The following ITGA2 variants were observed in gnomAD, a reference collection of about 807,000 sequenced individuals.
The protein encoded by ITGA2 is integrin alpha-2.
In ITGA2, 101 loss-of-function variants were observed where a neutral mutation model predicts 146.3. That is an observed-to-expected ratio of 0.69 (90% CI 0.59 to 0.81). ITGA2 has a LOEUF of 0.81. ITGA2 is among the 40% of genes least tolerant of loss of function. The pLI is 0.00. For missense variants in ITGA2, 1,281 were observed against 1,402.7 expected, an observed-to-expected ratio of 0.91 and a Z score of 1.39; for synonymous variants, 477 against 487.1, an observed-to-expected ratio of 0.98 and a Z score of 0.27.
chr5:53,042,199 A>G lies in ITGA2; in HGVS notation c.273A>G (p.Thr91=), dbSNP rs199737648. The G allele has an allele frequency of 7.4e-6, 12 of 1,611,880 alleles. No individual in the cohort carries two copies. The East Asian group carries it at 2.7e-4, about 36-fold the overall frequency. The change falls in exon 3 of 30, where the codon ACA becomes ACG. Residue 91 remains threonine, a synonymous_variant. Transcript: ENST00000296585. ...YKCPVDLSTA[T]CEKLNLQTST... ...GTCCTGTTGACCTATCCACTGCCACATGTGAAAAACTAAATTTGCAAAGTA... is the reference window on the plus strand; with the variant it reads ...GTCCTGTTGACCTATCCACTGCCACGTGTGAAAAACTAAATTTGCAAAGTA...
In ITGA2 at chr5:53,042,123, G is replaced by T; in HGVS notation, c.197G>T (p.Gly66Val). The change falls in exon 3 of 30, where the codon GGT becomes GTT. Residue 66 changes from glycine (G) to valine (V), a missense_variant. Coordinates refer to ENST00000296585, the MANE Select transcript of ITGA2 (RefSeq NM_002203.4). ...AAATGTGTTTCTAGGTTACTGGTTGGTTCACCCTGGAGTGGCTTTCCTGAG... is the reference window on the plus strand; with the variant it reads ...AAATGTGTTTCTAGGTTACTGGTTGTTTCACCCTGGAGTGGCTTTCCTGAG... ...INPKGNWLLVGSPWSGFPENR... is the reference protein window; with the variant it reads ...INPKGNWLLVVSPWSGFPENR... 6.2e-7 allele frequency: 1 copy of T among 1,610,608 alleles called. No homozygotes were observed. Among genetic ancestry groups the T allele is most frequent in the Non-Finnish European group, 8.5e-7 (1 of 1,176,840 alleles).
At chr5:53,058,913 T>C (rs985345998) in intron 10 of ITGA2, among the ~76,000 whole-genome samples, 1 of 151,816 alleles carries the variant, frequency 6.6e-6, no homozygotes, top group Non-Finnish European at 1.5e-5. Flanking sequence ...TCCCATGAGG[T>C]TTTTGTACAT....
chr5:53,083,545 C>A, intron 27 of ITGA2, 92 bp downstream of exon 27: 1 of 841,858 alleles, frequency 1.2e-6, no homozygotes, highest in Non-Finnish European at 2.0e-6. Flanking sequence ...AATAAGTATT[C>A]TGGCTAATGT....
At chr5:53,052,962 T>C (rs997912144) in intron 7 of ITGA2, among the ~76,000 whole-genome samples, 3 of 152,154 alleles carry the variant, frequency 2.0e-5, no homozygotes, top group African/African-American at 7.2e-5. Flanking sequence ...TGATGATGAA[T>C]ATTTTTATTT....
At chr5:53,021,824 A>C (rs1742696070) in intron 1 of ITGA2, among the ~76,000 whole-genome samples, 1 of 152,188 alleles carries the variant, frequency 6.6e-6, no homozygotes, top group Non-Finnish European at 1.5e-5. Context: ...GCAATCTGAG[A>C]GGCTGTGTCA....
intron 2 of ITGA2, among the ~76,000 whole-genome samples, chr5:53,040,906 A>G (rs1426381222): frequency 1.3e-5 from 2 of 152,096 alleles, no homozygotes; most frequent in African/African-American, 4.8e-5. Flanking sequence ...GGTAAACTAG[A>G]TCATATATTC....
intron 23 of ITGA2, among the ~76,000 whole-genome samples, chr5:53,075,764 G>C (rs1745635456): frequency 6.6e-6 from 1 of 151,892 alleles, no homozygotes; most frequent in Non-Finnish European, 1.5e-5. Flanking sequence ...AATAAATATT[G>C]AATCTAGTCA....
intron 1 of ITGA2, among the ~76,000 whole-genome samples, chr5:52,994,338 A>G (rs561730066): frequency 5.3e-5 from 8 of 152,200 alleles, no homozygotes; most frequent in African/African-American, 7.2e-5. Context: ...CCTTTCTAGC[A>G]GAAGTCCATT....
rs180880741 is a variant in ITGA2 at position 53,089,403 on chromosome 5, T to G, written c.3349-543T>G. On this transcript the variant is annotated intron_variant, in intron 28 of 29. Transcript: ENST00000296585. The stretch of plus-strand genomic sequence containing the variant: ...GGAAGCAGATACAAAGAATCCTAAG[T>G]AGCCTGAAGGACAACGTTCCCACTG... The G allele has an allele frequency of 1.0e-3, 156 of 154,732 alleles. 1 individual carries two copies. Among genetic ancestry groups the G allele is most frequent in the Admixed American group, 2.9e-3 (46 of 15,644 alleles). 9.6% of individuals were successfully genotyped at this position (154,732 alleles called of 1,614,324 possible). A position where few individuals can be genotyped will look rare whatever the true frequency, so the allele number is the denominator to read the frequency against.
chr5:53,080,551 T>G lies in ITGA2; in HGVS notation c.2969T>G (p.Ile990Ser). The G allele has an allele frequency of 6.2e-7, 1 of 1,613,720 alleles. No individual in the cohort carries two copies. The highest frequency in any genetic ancestry group is 1.1e-5 in the South Asian group (1 of 91,076). ...GTTCCAGTAAGCATGGCAACTGTAA[T>G]CATCCACATCCCTCAGTATACCAAA... Reference protein sequence around the residue: ...GSVPVSMATVIIHIPQYTKEK... With the variant: ...GSVPVSMATVSIHIPQYTKEK... The change falls in exon 25 of 30, where the codon ATC (isoleucine) becomes AGC (serine). Residue 990 changes from isoleucine (I) to serine (S), a missense_variant. By Grantham distance (142) the Ile-to-Ser change is moderately radical. Coordinates refer to ENST00000296585, the MANE Select transcript of ITGA2 (RefSeq NM_002203.4).
rs1486221609 is a variant in ITGA2, at chr5:53,055,993, T to C, written c.940T>C (p.Tyr314His). The C allele has an allele frequency of 6.2e-7, 1 of 1,609,058 alleles. No homozygotes were observed. Among genetic ancestry groups the C allele is most frequent in the Admixed American group, 1.7e-5 (1 of 59,720 alleles). Residue 314 changes from tyrosine to histidine, a missense_variant, in exon 9 of 30, where the codon TAC becomes CAC. Coordinates refer to ENST00000296585, the MANE Select transcript of ITGA2 (RefSeq NM_002203.4). ...ILRFGIAVLG[Y>H]LNRNALDTKN... ...TTCCTCTATTTTCAAGGTTCTTGGGTACTTAAACAGAAACGCCCTTGATAC... is the reference window on the plus strand; with the variant it reads ...TTCCTCTATTTTCAAGGTTCTTGGGCACTTAAACAGAAACGCCCTTGATAC...
rs1419350973 is a variant in ITGA2, at chr5:53,093,782, AG to A, written c.*3184del. On this transcript the variant is annotated 3_prime_UTR_variant, in exon 30 of 30. Transcript: ENST00000296585. ...TAAATGGTGTACAGACAAGGTCTAT[AG>A]AATGTGGTAAAAACTTGACTGCAAC... 2 of 152,630 alleles carry A rather than the reference AG, an allele frequency of 1.3e-5. No homozygotes were observed. Among genetic ancestry groups the A allele is most frequent in the Non-Finnish European group, 2.9e-5 (2 of 68,034 alleles). The allele number at this position is 152,630 out of a possible 1,614,324, so 9.5% of individuals were successfully genotyped here.
chr5:53,011,767 A>G (rs1216657361), intron 1 of ITGA2, among the ~76,000 whole-genome samples: 1 of 152,158 alleles, frequency 6.6e-6, no homozygotes, highest in East Asian at 1.9e-4. Context: ...GTAATAAGGA[A>G]GGAAGGTAGG....
chr5:53,067,310 A>G (rs1218236302), intron 16 of ITGA2, 53 bp downstream of exon 16: 1 of 1,597,610 alleles, frequency 6.3e-7, no homozygotes, highest in African/African-American at 1.3e-5. Flanking sequence ...ACAGAGTTTT[A>G]GTCCTGAATA....
chr5:53,003,102 T>C (rs991389204), intron 1 of ITGA2, among the ~76,000 whole-genome samples: 2 of 152,070 alleles, frequency 1.3e-5, no homozygotes, highest in African/African-American at 4.8e-5. Context: ...GCCAGTATAG[T>C]GTCCATCATT....
At chr5:53,003,389 C>A (rs544092816) in intron 1 of ITGA2, among the ~76,000 whole-genome samples, 1 of 152,252 alleles carries the variant, frequency 6.6e-6, no homozygotes, top group East Asian at 1.9e-4. Context: ...GAAACCACAA[C>A]CTCACTTATT....
chr5:53,063,404 A>T (rs3212547), intron 13 of ITGA2, among the ~76,000 whole-genome samples: 1 of 151,896 alleles, frequency 6.6e-6, no homozygotes. Flanking sequence ...AGGAAGTGTC[A>T]TTGCTTAGTG....
At chr5:53,067,394 G>A (rs929956511) in intron 16 of ITGA2, 137 bp downstream of exon 16, 1 of 879,220 alleles carries the variant, frequency 1.1e-6, no homozygotes, top group Admixed American at 2.0e-5. Flanking sequence ...TTACACTGGA[G>A]ATGCCCGAGA....
intron 17 of ITGA2, among the ~76,000 whole-genome samples, chr5:53,070,848 C>G (rs1006066010): frequency 1.3e-5 from 2 of 151,856 alleles, no homozygotes; most frequent in African/African-American, 4.8e-5. Flanking sequence ...ACCTTGGAAA[C>G]CACATAATGG....
Sources: gnomAD v4.1 joint callset for allele counts (sites outside exome capture counted in the v4.1 genomes callset) on GRCh38, gnomAD v4.1.1 for gene constraint, MANE v1.5 for transcripts, NCBI Gene and HGNC (gene_info 2026-07-23, HGNC 2026-07-21) for gene names.